The following PKHD1 variants were observed in gnomAD, a reference collection of about 807,000 sequenced individuals.
PKHD1 encodes PKHD1 ciliary IPT domain containing fibrocystin/polyductin.
A neutral mutation model predicts 412.0 loss-of-function variants in PKHD1; 291 were observed. The ratio of observed to expected loss-of-function variants is 0.71; its 90% confidence interval spans 0.64 to 0.78. The LOEUF (loss-of-function observed/expected upper bound fraction) is 0.78. Ranked by LOEUF, PKHD1 falls within the 30% of genes least tolerant of loss-of-function variation. The pLI is 0.00. For synonymous variants in PKHD1, 1,777 were observed against 1,821.5 expected, an observed-to-expected ratio of 0.98 and a Z score of 0.62; for missense variants, 4,825 against 4,950.7, an observed-to-expected ratio of 0.97 and a Z score of 0.76.
At position 51,865,277 on chromosome 6, in the gene PKHD1, G is replaced by A. The variant is rs1562491833; in HGVS notation, c.7733+2586C>T. ...TTTAACAAAACATAAACTAGACTCT[G>A]CCTTGTAGAGTGGCAGTTTTTTCTT... is the stretch of plus-strand genomic sequence containing the variant. On this transcript the variant is annotated intron_variant, in intron 48 of 66. Coordinates refer to ENST00000371117, the MANE Select transcript of PKHD1 (RefSeq NM_138694.4). Among the ~76,000 whole-genome samples the A allele has an allele frequency of 2.6e-5, 4 of 152,248 alleles. No homozygotes were observed. The South Asian group carries it at 8.3e-4, about 32-fold the overall frequency.
intron 30 of PKHD1, 104 bp from the exon 31 acceptor site, chr6:52,028,000 GT>G: frequency 1.7e-6 from 2 of 1,173,576 alleles, no homozygotes; most frequent in South Asian, 1.2e-5. Flanking sequence ...CAAACTGTCT[GT>G]AAGTTCTCTA....
chr6:51,802,424 T>TA (rs1183209373), intron 52 of PKHD1, among the ~76,000 whole-genome samples: 13 of 151,574 alleles, frequency 8.6e-5, no homozygotes, highest in African/African-American at 2.2e-4. Flanking sequence ...GGTTTGGAGA[T>TA]AAAATCCCTC....
chr6:51,758,014 A>AAGAGAGAGAGAG (rs10534219), intron 55 of PKHD1, among the ~76,000 whole-genome samples: 1,732 of 125,984 alleles, frequency 0.014, 30 homozygotes, highest in African/African-American at 0.02. Flanking sequence ...ACCCTGCCAA[A>AAGAGAGAGAGAG]AGAGAGAGAG....
intron 36 of PKHD1, among the ~76,000 whole-genome samples, chr6:51,944,810 G>A (rs749979208): frequency 1.3e-5 from 2 of 152,158 alleles, no homozygotes; most frequent in Non-Finnish European, 2.9e-5. Flanking sequence ...AGAACCCACC[G>A]GGTGATTATA....
chr6:51,930,120 T>C (rs973454270), intron 37 of PKHD1, among the ~76,000 whole-genome samples: 1 of 152,126 alleles, frequency 6.6e-6, no homozygotes, highest in Non-Finnish European at 1.5e-5. Context: ...TGACAAGTGA[T>C]TGGCACTCAG....
At chr6:51,658,033 T>A (rs1772177205) in intron 61 of PKHD1, among the ~76,000 whole-genome samples, 1 of 152,106 alleles carries the variant, frequency 6.6e-6, no homozygotes, top group Non-Finnish European at 1.5e-5. Context: ...AGGAAAGATA[T>A]TTCAATGTAA....
At chr6:51,856,336 G>A (rs1301919484) in intron 48 of PKHD1, among the ~76,000 whole-genome samples, 1 of 152,106 alleles carries the variant, frequency 6.6e-6, no homozygotes, top group African/African-American at 2.4e-5. Flanking sequence ...TATTTTGTTT[G>A]TTTTTTGTTT....
chr6:51,764,320 T>C (rs1281948336), intron 55 of PKHD1, among the ~76,000 whole-genome samples: 3 of 148,346 alleles, frequency 2.0e-5, no homozygotes, highest in Non-Finnish European at 4.4e-5. Flanking sequence ...AAAATGCTCA[T>C]CATCACCAGC....
chr6:51,695,071 T>C (rs1435618666), intron 60 of PKHD1, among the ~76,000 whole-genome samples: 1 of 152,190 alleles, frequency 6.6e-6, no homozygotes, highest in African/African-American at 2.4e-5. Flanking sequence ...TTTAAGTCTA[T>C]TATAACCAAT....
At chr6:51,900,656 C>G (rs1344373624) in intron 43 of PKHD1, among the ~76,000 whole-genome samples, 4 of 151,774 alleles carry the variant, frequency 2.6e-5, no homozygotes, top group South Asian at 2.1e-4. Context: ...GCAACAAAAG[C>G]CAAAATTGAC....
chr6:51,911,674 G>A, intron 39 of PKHD1, 125 bp downstream of exon 39: 1 of 810,952 alleles, frequency 1.2e-6, no homozygotes, highest in South Asian at 1.4e-5. Context: ...AGAAAAGTAT[G>A]GGCATCCAAA....
At position 51,962,581 on chromosome 6, in the gene PKHD1, T is replaced by C. The variant is rs143227360; in HGVS notation, c.5752-2555A>G. Among the ~76,000 whole-genome samples, 347 of 152,196 alleles carry C rather than the reference T, an allele frequency of 2.3e-3. 6 individuals are homozygous for C. The highest frequency in any genetic ancestry group is 9.1e-3 in the East Asian group (47 of 5,166). Reference sequence around the variant, plus strand: ...AGGTCAAATACTGTTATCTCTACTTTCCAGTGGAGAAAGCAAAGGCTCAAA... The same window carrying C: ...AGGTCAAATACTGTTATCTCTACTTCCCAGTGGAGAAAGCAAAGGCTCAAA... On this transcript the variant is annotated intron_variant, in intron 35 of 66. Coordinates refer to ENST00000371117, the MANE Select transcript of PKHD1 (RefSeq NM_138694.4).
At chr6:52,079,296 C>T (rs1464506159) in intron 5 of PKHD1, among the ~76,000 whole-genome samples, 2 of 152,174 alleles carry the variant, frequency 1.3e-5, no homozygotes, top group African/African-American at 4.8e-5. Flanking sequence ...CCTTTTTGAT[C>T]TCCCTGAGCA....
intron 55 of PKHD1, among the ~76,000 whole-genome samples, chr6:51,765,550 G>C (rs1431313659): frequency 6.6e-6 from 1 of 151,816 alleles, no homozygotes; most frequent in Non-Finnish European, 1.5e-5. Flanking sequence ...CATCCTTCAG[G>C]TATAAGCTCA....
chr6:51,658,190 T>C (rs1772205098), intron 61 of PKHD1, among the ~76,000 whole-genome samples: 2 of 152,142 alleles, frequency 1.3e-5, no homozygotes, highest in South Asian at 4.1e-4. Context: ...TAATAAGCTA[T>C]GAGTACCTTT....
At chr6:51,697,389 A>T (rs1351970092) in intron 60 of PKHD1, among the ~76,000 whole-genome samples, 1 of 152,222 alleles carries the variant, frequency 6.6e-6, no homozygotes, top group East Asian at 1.9e-4. Flanking sequence ...TGAAAATCCC[A>T]TCAACACATA....
chr6:51,830,680 T>A (rs1361019624), intron 52 of PKHD1, among the ~76,000 whole-genome samples, 181 bp downstream of exon 52: 1 of 152,168 alleles, frequency 6.6e-6, no homozygotes, highest in Non-Finnish European at 1.5e-5. Context: ...TTTGGGGGGA[T>A]TTCACTGGTC....
At chr6:51,754,732 C>G in intron 56 of PKHD1, 52 bp downstream of exon 56, 4 of 1,527,242 alleles carry the variant, frequency 2.6e-6, no homozygotes, top group Non-Finnish European at 3.6e-6. Flanking sequence ...GGTTACCAAA[C>G]ATGGTCTTCC....
At chr6:51,900,281 C>A (rs1781015916) in intron 43 of PKHD1, among the ~76,000 whole-genome samples, 1 of 152,176 alleles carries the variant, frequency 6.6e-6, no homozygotes, top group Admixed American at 6.5e-5. Flanking sequence ...TACTACAAGG[C>A]TACAGTAACC....
Sources: allele counts gnomAD v4.1 joint callset (sites outside exome capture counted in the v4.1 genomes callset), GRCh38; gene constraint gnomAD v4.1.1; transcripts MANE v1.5; gene names NCBI Gene and HGNC (gene_info 2026-07-23, HGNC 2026-07-21).